Variants in KMT2C observed in about 807,000 individuals in gnomAD.
The protein encoded by KMT2C is histone-lysine N-methyltransferase 2C.
Under a neutral mutation model 507.9 loss-of-function variants are expected in KMT2C, and 88 were observed. The observed-to-expected ratio is 0.17, with a 90% CI of 0.15 to 0.21. The LOEUF is 0.21. Ranked by LOEUF, KMT2C falls within the 10% of genes least tolerant of loss-of-function variation. The probability of loss-of-function intolerance (pLI) is 1.00; values close to 1 mark genes in which losing one functional copy is unlikely to be tolerated. For synonymous variants in KMT2C, 2,049 were observed against 2,080.8 expected (o/e 0.98, Z 0.42); for missense variants, 4,954 against 5,957.8 (o/e 0.83, Z 5.55).
Position 152,248,117 on chromosome 7 carries a change from A to G in KMT2C, c.2317T>C (p.Ser773Pro). 6.2e-7 allele frequency: 1 copy of G among 1,614,226 alleles called. No homozygotes were observed. Among genetic ancestry groups the G allele is most frequent in the South Asian group, 1.1e-5 (1 of 91,090 alleles). ...ACATCTGCCTTGCTTATGTCTGCTG[A>G]TGATGAAAATGATGACTCTGTCTCA... The part of the protein sequence containing the change: ...SSETESSFSS[S>P]ADISKADVSS... The change falls in exon 14 of 59, where the codon TCA becomes CCA. Residue 773 changes from serine to proline, a missense_variant. Around this residue, in one of 29 missense-constraint regions of KMT2C, gnomAD observed 20 missense variants for 53.1 expected, o/e 0.38. Transcript: ENST00000262189.
intron 1 of KMT2C, among the ~76,000 whole-genome samples, chr7:152,410,280 C>T (rs2097667266): frequency 6.6e-6 from 1 of 152,282 alleles, no homozygotes; most frequent in African/African-American, 2.4e-5. Flanking sequence ...GGCATAGTGG[C>T]TGGCACCTGT....
At chr7:152,162,010 TA>T in intron 43 of KMT2C, 106 bp downstream of exon 43, 1 of 1,285,124 alleles carries the variant, frequency 7.8e-7, no homozygotes, top group Non-Finnish European at 1.0e-6. Context: ...TCCTTTAGAA[TA>T]AAAAGGTTGT....
intron 14 of KMT2C, among the ~76,000 whole-genome samples, chr7:152,243,758 G>A (rs960924607): frequency 2.6e-5 from 4 of 151,890 alleles, no homozygotes; most frequent in Non-Finnish European, 5.9e-5. Context: ...CTCCAGCCTG[G>A]GCAACAGAGC....
At chr7:152,408,450 C>A (rs1187151851) in intron 1 of KMT2C, among the ~76,000 whole-genome samples, 4 of 152,210 alleles carry the variant, frequency 2.6e-5, no homozygotes, top group African/African-American at 9.6e-5. Flanking sequence ...AGGGTTCCCC[C>A]CACCTATAGC....
At position 152,362,613 on chromosome 7, in the gene KMT2C, C is replaced by A. The variant is rs902086331; in HGVS notation, c.162-3938G>T. 5.3e-5 allele frequency among the ~76,000 whole-genome samples: 8 copies of A among 152,152 alleles called. No homozygotes were observed. In the South Asian group the frequency reaches 1.7e-3, roughly 32 times the overall value. ...ATCCACTTTTAAAGAAATTGGAAAC[C>A]GTATGGTTTAGCTGACTTTTTAACT... On this transcript the variant is annotated intron_variant, in intron 1 of 58. Coordinates refer to ENST00000262189, the MANE Select transcript of KMT2C (RefSeq NM_170606.3).
At chr7:152,210,348 C>T (rs1207593363) in intron 23 of KMT2C, among the ~76,000 whole-genome samples, 1 of 152,122 alleles carries the variant, frequency 6.6e-6, no homozygotes, top group Admixed American at 6.6e-5. Context: ...TACTTAATTC[C>T]TTTTTTAAAA....
At chr7:152,263,241 A>C in intron 8 of KMT2C, 111 bp from the exon 9 acceptor site, 2 of 842,276 alleles carry the variant, frequency 2.4e-6, no homozygotes, top group Non-Finnish European at 3.7e-6. Context: ...TAAATACCTC[A>C]GTATCTGTTT....
chr7:152,331,265 G>A (rs1020483816), intron 2 of KMT2C, among the ~76,000 whole-genome samples: 6 of 151,654 alleles, frequency 4.0e-5, no homozygotes, highest in Non-Finnish European at 7.4e-5. Flanking sequence ...AGCTGGGATC[G>A]TGCCACTGTA....
chr7:152,199,303 C>A lies in KMT2C; in HGVS notation c.4249G>T (p.Ala1417Ser), dbSNP rs2129132968. The A allele has an allele frequency of 6.3e-7, 1 of 1,595,246 alleles. No homozygotes were observed. The highest frequency in any genetic ancestry group is 8.5e-7 in the Non-Finnish European group (1 of 1,173,704). The change falls in exon 27 of 59, where the codon GCT becomes TCT. Residue 1417 changes from alanine (A) to serine (S), a missense_variant. Ala to Ser is a moderately conservative substitution (Grantham distance 99). Around this residue, in one of 29 missense-constraint regions of KMT2C, gnomAD observed 140 missense variants for 118.4 expected, o/e 1.18. Transcript: ENST00000262189. ...SLDPLLSSSS[A>S]PTKSGTHGPA... is the part of the protein sequence containing the mutation. ...CCGTGAGTTCCAGATTTTGTTGGAGCCGAGGATGAACTAAGTAGTGGATCT... is the reference window on the plus strand; with the variant it reads ...CCGTGAGTTCCAGATTTTGTTGGAGACGAGGATGAACTAAGTAGTGGATCT...
At chr7:152,329,049 T>C (rs780000571) in intron 3 of KMT2C, among the ~76,000 whole-genome samples, 5 of 151,812 alleles carry the variant, frequency 3.3e-5, no homozygotes, top group Non-Finnish European at 7.4e-5. Context: ...GTAACGGAAA[T>C]GAACACGTGA....
chr7:152,412,362 C>T (rs1394730303), intron 1 of KMT2C, among the ~76,000 whole-genome samples: 2 of 152,232 alleles, frequency 1.3e-5, no homozygotes, highest in African/African-American at 4.8e-5. Flanking sequence ...GATCCTGCCA[C>T]TGCACTCCAG....
At chr7:152,190,945 C>T (rs183676421) in intron 31 of KMT2C, among the ~76,000 whole-genome samples, 3 of 152,248 alleles carry the variant, frequency 2.0e-5, no homozygotes, top group Non-Finnish European at 4.4e-5. Context: ...AGATCCTATA[C>T]CTCTCACTCA....
At chr7:152,409,550 T>G (rs1387986658) in intron 1 of KMT2C, among the ~76,000 whole-genome samples, 16 of 145,314 alleles carry the variant, frequency 1.1e-4, no homozygotes, top group African/African-American at 3.9e-4. Flanking sequence ...AAACCCCATG[T>G]CTGCTAAAAA....
intron 2 of KMT2C, among the ~76,000 whole-genome samples, chr7:152,353,579 C>T (rs923692037): frequency 6.6e-6 from 1 of 152,072 alleles, no homozygotes; most frequent in Non-Finnish European, 1.5e-5. Flanking sequence ...GTCACTGCAA[C>T]TGGTGTCTCC....
At chr7:152,412,762 G>A (rs2097696423) in intron 1 of KMT2C, among the ~76,000 whole-genome samples, 2 of 152,176 alleles carry the variant, frequency 1.3e-5, no homozygotes, top group Admixed American at 1.3e-4. Flanking sequence ...TTTAAATATT[G>A]TGGTGGGGGG....
At chr7:152,297,086 AG>A in intron 6 of KMT2C, among the ~76,000 whole-genome samples, 1 of 151,306 alleles carries the variant, frequency 6.6e-6, no homozygotes, top group Non-Finnish European at 1.5e-5. Context: ...AGAGAGAGAG[AG>A]AGAGAGAAAG....
intron 34 of KMT2C, among the ~76,000 whole-genome samples, chr7:152,183,899 AAAAAAGAAAAAG>A (rs1173318598): frequency 6.6e-6 from 1 of 150,534 alleles, no homozygotes; most frequent in Admixed American, 6.6e-5. Flanking sequence ...TCTGTCTCAA[AAAAAAGAAAAAG>A]AAAAAGAAAA....
chr7:152,271,225 A>G (rs2095960917), intron 7 of KMT2C, among the ~76,000 whole-genome samples: 1 of 152,198 alleles, frequency 6.6e-6, no homozygotes, highest in Non-Finnish European at 1.5e-5. Context: ...ACACACAATT[A>G]GGATAGGAAA....
chr7:152,368,730 T>A, intron 1 of KMT2C: 1 of 1,117,260 alleles, frequency 9.0e-7, no homozygotes, highest in Non-Finnish European at 1.3e-6. Flanking sequence ...GTTTGTTGGA[T>A]CCGTTTGACC....
Sources: allele counts gnomAD v4.1 joint callset (sites outside exome capture counted in the v4.1 genomes callset), GRCh38; gene constraint gnomAD v4.1.1; regional missense constraint gnomAD v4.1.1; transcripts MANE v1.5; gene names NCBI Gene and HGNC (gene_info 2026-07-23, HGNC 2026-07-21).